The following ERP44 variants were observed in gnomAD, a reference collection of about 807,000 sequenced individuals.
The protein encoded by ERP44 is endoplasmic reticulum protein 44, also known as endoplasmic reticulum resident protein 44.
ERP44 carries 25 observed loss-of-function variants against 53.4 expected under a neutral mutation model. That is an observed-to-expected ratio of 0.47 (90% CI 0.34 to 0.65). The LOEUF (loss-of-function observed/expected upper bound fraction) is 0.65. ERP44 is among the 30% of genes least tolerant of loss of function. The pLI is 0.01. For synonymous variants in ERP44, 145 were observed against 161.2 expected, an observed-to-expected ratio of 0.90 and a Z score of 0.76; for missense variants, 338 against 493.2, an observed-to-expected ratio of 0.69 and a Z score of 2.98.
intron 1 of ERP44, among the ~76,000 whole-genome samples, chr9:100,077,865 T>C (rs923416658): frequency 1.3e-5 from 2 of 152,218 alleles, no homozygotes. Flanking sequence ...AGTATTACTA[T>C]GCCTTGTGAT....
At chr9:100,049,340 G>A (rs1465916617) in intron 4 of ERP44, among the ~76,000 whole-genome samples, 1 of 152,186 alleles carries the variant, frequency 6.6e-6, no homozygotes, top group Non-Finnish European at 1.5e-5. Flanking sequence ...CGAGACTGCA[G>A]TGAGCCAAGA....
intron 1 of ERP44, among the ~76,000 whole-genome samples, chr9:100,081,893 A>G (rs1021822241): frequency 4.6e-5 from 7 of 152,190 alleles, no homozygotes; most frequent in Non-Finnish European, 1.0e-4. Flanking sequence ...TGCAAATCAC[A>G]TAACTGCATA....
intron 10 of ERP44, among the ~76,000 whole-genome samples, chr9:100,003,051 C>T (rs139462480): frequency 7.8e-4 from 118 of 151,958 alleles, no homozygotes; most frequent in African/African-American, 2.6e-3. Context: ...TAAATTCTTT[C>T]TTCTAATTGT....
chr9:99,991,681 A>G (rs1371263812), intron 10 of ERP44, among the ~76,000 whole-genome samples: 1 of 152,120 alleles, frequency 6.6e-6, no homozygotes, highest in East Asian at 1.9e-4. Context: ...GAAATGGAGG[A>G]GATAGAGACA....
chr9:100,052,771 CA>C (rs1321557862), intron 3 of ERP44, among the ~76,000 whole-genome samples: 1 of 152,120 alleles, frequency 6.6e-6, no homozygotes, highest in Non-Finnish European at 1.5e-5. Context: ...CATCTTAAGA[CA>C]ATTGCCAGTA....
intron 10 of ERP44, among the ~76,000 whole-genome samples, chr9:99,993,894 A>C (rs2118611307): frequency 6.6e-6 from 1 of 152,366 alleles, no homozygotes. Flanking sequence ...GCCAACAGGC[A>C]CATGAAAAAA....
intron 1 of ERP44, among the ~76,000 whole-genome samples, chr9:100,089,216 T>G (rs573145981): frequency 6.6e-6 from 1 of 152,328 alleles, no homozygotes; most frequent in South Asian, 2.1e-4. Context: ...ACAATACTTG[T>G]GTTCAAAAAC....
chr9:100,091,755 T>A (rs757089833), intron 1 of ERP44, among the ~76,000 whole-genome samples: 15 of 152,326 alleles, frequency 9.8e-5, no homozygotes, highest in Middle Eastern at 3.4e-3. Flanking sequence ...ATGGCAGTAT[T>A]TCTCGAACTT....
At chr9:100,096,797 G>A (rs1456845664) in intron 1 of ERP44, among the ~76,000 whole-genome samples, 1 of 152,114 alleles carries the variant, frequency 6.6e-6, no homozygotes, top group Non-Finnish European at 1.5e-5. Flanking sequence ...AAAGTTGGAA[G>A]AGTAGGAAAA....
chr9:100,087,509 T>C (rs1027261610), intron 1 of ERP44, among the ~76,000 whole-genome samples: 1 of 152,172 alleles, frequency 6.6e-6, no homozygotes, highest in African/African-American at 2.4e-5. Flanking sequence ...GAACACCTAT[T>C]ATGTGGCAAA....
intron 4 of ERP44, among the ~76,000 whole-genome samples, chr9:100,028,136 C>T (rs554765892): frequency 9.5e-4 from 144 of 152,292 alleles, no homozygotes; most frequent in Non-Finnish European, 1.9e-3. Context: ...GTTCGAGTTG[C>T]ACTGGAAGAC....
At position 100,030,805 on chromosome 9, in the gene ERP44, C is replaced by A. The variant is rs114054225; in HGVS notation, c.287-8579G>T. Among the ~76,000 whole-genome samples the A allele has an allele frequency of 5.9e-3, 891 of 152,264 alleles. 11 individuals are homozygous for A. The highest frequency in any genetic ancestry group is 0.018 in the African/African-American group (739 of 41,530). On this transcript the variant is annotated intron_variant, in intron 4 of 11. Coordinates refer to ENST00000262455, the MANE Select transcript of ERP44 (RefSeq NM_015051.3). ...TGCAACTGACAAGTGACCGCCTGAA[C>A]TTTTGATTGAGTGTCACTGCAATAA...
intron 6 of ERP44, among the ~76,000 whole-genome samples, chr9:100,019,335 G>T (rs1830559245): frequency 6.6e-6 from 1 of 152,068 alleles, no homozygotes; most frequent in Admixed American, 6.5e-5. Context: ...CTTGAGGCCA[G>T]GAGTTCAAGA....
chr9:100,030,321 T>C (rs868740076), intron 4 of ERP44, among the ~76,000 whole-genome samples: 10 of 152,038 alleles, frequency 6.6e-5, no homozygotes, highest in South Asian at 2.1e-4. Context: ...AGGGACGATA[T>C]TGAGGAAACC....
chr9:100,022,248 A>G, intron 4 of ERP44, 22 bp from the exon 5 acceptor site: 1 of 1,596,364 alleles, frequency 6.3e-7, no homozygotes, highest in South Asian at 1.1e-5. Context: ...AAAAAAAATT[A>G]TTTACCCTCA....
At chr9:100,089,116 A>G (rs1284076529) in intron 1 of ERP44, among the ~76,000 whole-genome samples, 1 of 152,208 alleles carries the variant, frequency 6.6e-6, no homozygotes, top group East Asian at 1.9e-4. Context: ...TCTTGCTTCA[A>G]ATTAGGTGGG....
intron 7 of ERP44, among the ~76,000 whole-genome samples, chr9:100,017,809 G>A (rs1830539797): frequency 6.6e-6 from 1 of 152,104 alleles, no homozygotes; most frequent in East Asian, 1.9e-4. Flanking sequence ...TTACCCCACA[G>A]GTTAAAAACA....
intron 1 of ERP44, among the ~76,000 whole-genome samples, chr9:100,066,433 C>T (rs1158115689): frequency 6.6e-6 from 1 of 152,152 alleles, no homozygotes; most frequent in African/African-American, 2.4e-5. Flanking sequence ...TGTTTCTTTC[C>T]CTGTGGCATT....
chr9:100,028,227 T>G (rs1285508500), intron 4 of ERP44, among the ~76,000 whole-genome samples: 1 of 152,212 alleles, frequency 6.6e-6, no homozygotes, highest in African/African-American at 2.4e-5. Context: ...AAAACACAAG[T>G]GTGGGTCTGT....
Sources: allele counts gnomAD v4.1 joint callset (sites outside exome capture counted in the v4.1 genomes callset), GRCh38; gene constraint gnomAD v4.1.1; transcripts MANE v1.5; gene names NCBI Gene and HGNC (gene_info 2026-07-23, HGNC 2026-07-21).